Variants in RARG observed in about 807,000 individuals in gnomAD.
RARG encodes the protein retinoic acid receptor gamma, also known as RAR-gamma.
Under a neutral mutation model 43.7 loss-of-function variants are expected in RARG, and 17 were observed. The ratio of observed to expected loss-of-function variants is 0.39; its 90% confidence interval spans 0.27 to 0.58. RARG has a LOEUF of 0.58. Ranked by LOEUF, RARG falls within the 20% of genes least tolerant of loss-of-function variation. The pLI is 0.57. For missense variants in RARG, 346 were observed against 598.7 expected (o/e 0.58, Z 4.40); for synonymous variants, 238 against 236.4 (o/e 1.01, Z -0.06).
chr12:53,217,604 C>G (rs950229184), intron 3 of RARG, among the ~76,000 whole-genome samples: 3 of 152,314 alleles, frequency 2.0e-5, no homozygotes, highest in African/African-American at 7.2e-5. Context: ...TAAAGTGCAG[C>G]CTAGTGGCTC....
At chr12:53,220,662 C>T (rs2120684305) in intron 3 of RARG, among the ~76,000 whole-genome samples, 1 of 152,326 alleles carries the variant, frequency 6.6e-6, no homozygotes, top group Non-Finnish European at 1.5e-5. Context: ...TGCAGGCATA[C>T]TCTCCACAGC....
chr12:53,220,176 G>A (rs1337790224), intron 3 of RARG: 4 of 1,549,102 alleles, frequency 2.6e-6, no homozygotes, highest in Non-Finnish European at 3.5e-6. Flanking sequence ...CTCCCCCGGC[G>A]GCGCCCCGCT....
At chr12:53,222,942 A>G (rs1934516682) in intron 3 of RARG, among the ~76,000 whole-genome samples, 2 of 151,854 alleles carry the variant, frequency 1.3e-5, no homozygotes, top group African/African-American at 2.4e-5. Context: ...CCCCTTCCCT[A>G]TGATCCCCAC....
At position 53,210,636 on chromosome 12, in the gene RARG, G is replaced by A. The variant is rs1013503449; in HGVS notation, c.*1040C>T. The A allele has an allele frequency of 3.3e-5, 5 of 152,642 alleles. No individual in the cohort carries two copies. Among genetic ancestry groups the A allele is most frequent in the African/African-American group, 1.2e-4 (5 of 41,404 alleles). The allele number at this position is 152,642 out of a possible 1,614,324, so 9.5% of individuals were successfully genotyped here. The stretch of plus-strand genomic sequence containing the variant: ...AATATGCGATACAGCGGGGTAGAGG[G>A]GAGATGTAAACAGAGGGGAGGGGAC... On this transcript the variant is annotated 3_prime_UTR_variant, in exon 10 of 10. Transcript: ENST00000425354.
At chr12:53,222,997 A>G (rs893526468) in intron 3 of RARG, among the ~76,000 whole-genome samples, 11 of 152,134 alleles carry the variant, frequency 7.2e-5, no homozygotes, top group African/African-American at 2.7e-4. Context: ...ACAAAGGCAT[A>G]GCCCTAGAGG....
chr12:53,214,427 G>A lies in RARG; in HGVS notation c.636+19C>T. ...AGTGAAGAGTGCCCTGCCCTCACTG[G>A]GCTCTGCCCATTCCTCACCGTGGTA... On this transcript the variant is annotated intron_variant, in intron 6 of 9. Coordinates refer to ENST00000425354, the MANE Select transcript of RARG (RefSeq NM_000966.6). 6.2e-7 allele frequency: 1 copy of A among 1,603,202 alleles called. No individual in the cohort carries two copies. The highest frequency in any genetic ancestry group is 8.5e-7 in the Non-Finnish European group (1 of 1,171,258).
chr12:53,217,520 G>A (rs1361828162), intron 3 of RARG, among the ~76,000 whole-genome samples: 1 of 152,200 alleles, frequency 6.6e-6, no homozygotes, highest in Non-Finnish European at 1.5e-5. Context: ...TAAGACTGGG[G>A]GCCTTAGGGA....
At chr12:53,229,886 G>A (rs558859658) in intron 2 of RARG, 3 of 908,030 alleles carry the variant, frequency 3.3e-6, no homozygotes, top group South Asian at 5.1e-5. Context: ...TCCCCACAGA[G>A]GGATGCTCAG....
intron 3 of RARG, among the ~76,000 whole-genome samples, chr12:53,225,290 G>A (rs12307672): frequency 0.077 from 11,713 of 152,210 alleles, 613 homozygotes; most frequent in South Asian, 0.19. Flanking sequence ...TTCACCAAAC[G>A]CCAGCCACAG....
At position 53,211,655 on chromosome 12, in the gene RARG, C is replaced by T; in HGVS notation, c.*21G>A. On this transcript the variant is annotated 3_prime_UTR_variant, in exon 10 of 10. Transcript: ENST00000425354. This position sits in a 1 kb window ranked among gnomAD's most constrained non-coding sequence, Gnocchi z 4.6. Reference sequence around the variant, plus strand: ...CTGCCTGAAGCCCCAACCCCCACAGCGGGGAGGTCAGGGGCCCTGGTCAGG... The same window carrying T: ...CTGCCTGAAGCCCCAACCCCCACAGTGGGGAGGTCAGGGGCCCTGGTCAGG... 7 of 1,441,714 alleles carry T rather than the reference C, an allele frequency of 4.9e-6. No homozygotes were observed. The highest frequency in any genetic ancestry group is 1.5e-5 in the African/African-American group (1 of 67,768). 89.3% of individuals were successfully genotyped at this position (1,441,714 alleles called of 1,614,324 possible).
In RARG at chr12:53,213,461, G is replaced by A. The variant is rs748750471; in HGVS notation, c.1018+35C>T. Reference sequence around the variant, plus strand: ...GCATGGAGTGGTGGGAAAGGAGACTGAGCACTGAGCAGACGCCAGGGGGCG... The same window carrying A: ...GCATGGAGTGGTGGGAAAGGAGACTAAGCACTGAGCAGACGCCAGGGGGCG... On this transcript the variant is annotated intron_variant, in intron 8 of 9. Coordinates refer to ENST00000425354, the MANE Select transcript of RARG (RefSeq NM_000966.6). The surrounding 1 kb of genome is among the most constrained non-coding windows in gnomAD (Gnocchi z 4.7). 10 of 1,601,508 alleles carry A rather than the reference G, an allele frequency of 6.2e-6. No homozygotes were observed. Among genetic ancestry groups the A allele is most frequent in the East Asian group, 4.5e-5 (2 of 44,804 alleles).
intron 3 of RARG, among the ~76,000 whole-genome samples, chr12:53,216,841 T>TGTGTGTGTGTGTGTGTGC (rs1430491578): frequency 4.9e-4 from 64 of 129,430 alleles, no homozygotes; most frequent in African/African-American, 2.1e-3. Context: ...TGTGTGTGTG[T>TGTGTGTGTGTGTGTGTGC]GCGCGCGCGC....
At position 53,215,199 on chromosome 12, in the gene RARG, G is replaced by C; in HGVS notation, c.475+94C>G. ...GCACCCCAGGGCAGGCCAAGTCTCA[G>C]AGGTCAGGGAAGTGGGAGTGGCCAG... On this transcript the variant is annotated intron_variant, in intron 5 of 9. Transcript: ENST00000425354. The surrounding 1 kb of genome is among the most constrained non-coding windows in gnomAD (Gnocchi z 6.4). 1.3e-6 allele frequency: 2 copies of C among 1,503,918 alleles called. No homozygotes were observed. Among genetic ancestry groups the C allele is most frequent in the Non-Finnish European group, 1.8e-6 (2 of 1,108,880 alleles). The allele number at this position is 1,503,918 out of a possible 1,614,324, so 93.2% of individuals were successfully genotyped here. A position where few individuals can be genotyped will look rare whatever the true frequency, so the allele number is the denominator to read the frequency against.
chr12:53,226,644 C>G (rs976378466), intron 3 of RARG, among the ~76,000 whole-genome samples: 1 of 148,818 alleles, frequency 6.7e-6, no homozygotes, highest in Admixed American at 6.8e-5. Flanking sequence ...CAGATTCTCA[C>G]TCTATCGCCC....
In RARG at chr12:53,232,037, G is replaced by A; in HGVS notation, c.-273C>T. 2.5e-6 allele frequency: 1 copy of A among 398,468 alleles called. No individual in the cohort carries two copies. Among genetic ancestry groups the A allele is most frequent in the South Asian group, 1.3e-4 (1 of 7,846 alleles). 24.7% of individuals were successfully genotyped at this position (398,468 alleles called of 1,614,324 possible). A position where few individuals can be genotyped will look rare whatever the true frequency, so the allele number is the denominator to read the frequency against. ...GGTCCCGGCGTCGGGCAGTCTCTTG[G>A]ATGGAGCGTCGCAATGTCCGGGGCT... On this transcript the variant is annotated 5_prime_UTR_variant, in exon 1 of 10. Transcript: ENST00000425354.
intron 3 of RARG, among the ~76,000 whole-genome samples, chr12:53,221,355 A>AG (rs1352492089): frequency 6.6e-6 from 1 of 151,884 alleles, no homozygotes; most frequent in Non-Finnish European, 1.5e-5. Flanking sequence ...AAACTACCCC[A>AG]TAAGCTGTGC....
chr12:53,230,422 C>A (rs1476289857), intron 2 of RARG, among the ~76,000 whole-genome samples: 6 of 152,058 alleles, frequency 3.9e-5, no homozygotes, highest in Admixed American at 3.9e-4. Context: ...CCGCTGCCCC[C>A]CTCCCCTCTG....
chr12:53,219,813 C>A lies in RARG; in HGVS notation c.185-4019G>T, dbSNP rs542412331. Reference sequence around the variant, plus strand: ...CGCAAAGGAGACGCTGAGGCCCCCACGTTTAAAGGGCCAGTACCTTACATA... The same window carrying A: ...CGCAAAGGAGACGCTGAGGCCCCCAAGTTTAAAGGGCCAGTACCTTACATA... On this transcript the variant is annotated intron_variant, in intron 3 of 9. Transcript: ENST00000425354. 1.0e-5 allele frequency: 8 copies of A among 765,532 alleles called. No individual in the cohort carries two copies. The Admixed American group carries it at 3.0e-4, about 28-fold the overall frequency. 47.4% of individuals were successfully genotyped at this position (765,532 alleles called of 1,614,324 possible). A position where few individuals can be genotyped will look rare whatever the true frequency, so the allele number is the denominator to read the frequency against.
chr12:53,220,025 G>T (rs1308322311), intron 3 of RARG: 5 of 1,536,466 alleles, frequency 3.3e-6, no homozygotes, highest in Non-Finnish European at 4.4e-6. Context: ...GCTCTGCGCA[G>T]CAAGCCGGCC....
Sources: allele counts gnomAD v4.1 joint callset (sites outside exome capture counted in the v4.1 genomes callset), GRCh38; gene constraint gnomAD v4.1.1; non-coding constraint Gnocchi (gnomAD v3.1); transcripts MANE v1.5; gene names NCBI Gene and HGNC (gene_info 2026-07-23, HGNC 2026-07-21).